Variants in SCAPER observed in about 807,000 individuals in gnomAD.
SCAPER encodes the protein S-phase cyclin A associated protein in the ER.
In SCAPER, 98 loss-of-function variants were observed where a neutral mutation model predicts 182.2. That is an observed-to-expected ratio of 0.54 (90% CI 0.46 to 0.64). The LOEUF (loss-of-function observed/expected upper bound fraction) is 0.64, where lower values mean the gene tolerates loss of function less well. Ranked by LOEUF, SCAPER falls within the 30% of genes least tolerant of loss-of-function variation. The pLI is 0.00. For synonymous variants in SCAPER, 605 were observed against 564.6 expected, an observed-to-expected ratio of 1.07 and a Z score of -1.01; for missense variants, 1,432 against 1,690.0, an observed-to-expected ratio of 0.85 and a Z score of 2.68.
intron 27 of SCAPER, among the ~76,000 whole-genome samples, chr15:76,401,321 C>G (rs926681845): frequency 3.3e-5 from 5 of 152,098 alleles, no homozygotes; most frequent in Non-Finnish European, 4.4e-5. Flanking sequence ...CCTTTCACCC[C>G]CCACATCATG....
chr15:76,576,463 T>C (rs554591000), intron 22 of SCAPER, among the ~76,000 whole-genome samples: 1 of 152,164 alleles, frequency 6.6e-6, no homozygotes, highest in African/African-American at 2.4e-5. Flanking sequence ...TTATCCCTAT[T>C]TGAAAAACGC....
At chr15:76,616,770 GA>G (rs1490773024) in intron 22 of SCAPER, among the ~76,000 whole-genome samples, 1 of 152,030 alleles carries the variant, frequency 6.6e-6, no homozygotes, top group African/African-American at 2.4e-5. Context: ...GATGTATATG[GA>G]AATTTGAATT....
chr15:76,677,466 T>C (rs2057432939), intron 20 of SCAPER, among the ~76,000 whole-genome samples: 2 of 151,894 alleles, frequency 1.3e-5, no homozygotes, highest in African/African-American at 4.8e-5. Flanking sequence ...TTAGTAAAAT[T>C]AAGGGATTAG....
chr15:76,839,008 G>C (rs976875270), intron 5 of SCAPER, among the ~76,000 whole-genome samples: 1 of 152,172 alleles, frequency 6.6e-6, no homozygotes, highest in African/African-American at 2.4e-5. Flanking sequence ...GGAAATGTAG[G>C]GGTGATGCTT....
Position 76,428,893 on chromosome 15 carries a change from T to TATATATATATATATATATATATAA in SCAPER, c.3311+5184_3311+5185insTTATATATATATATATATATATAT, listed in dbSNP as rs561331843. 1.6e-4 allele frequency among the ~76,000 whole-genome samples: 23 copies of TATATATATATATATATATATATAA among 139,562 alleles called. 1 individual carries two copies. Among genetic ancestry groups the TATATATATATATATATATATATAA allele is most frequent in the African/African-American group, 3.2e-4 (12 of 37,306 alleles). The allele number at this position is 139,562 out of a possible 152,430, so 91.6% of individuals were successfully genotyped here. ...ATATATATATATATATATATATATA[T>TATATATATATATATATATATATAA]AAACATCAAAATGTACTCAGTAAGT... On this transcript the variant is annotated intron_variant, in intron 26 of 31. Transcript: ENST00000563290.
chr15:76,857,305 T>C (rs1312694843), intron 4 of SCAPER, among the ~76,000 whole-genome samples: 3 of 151,888 alleles, frequency 2.0e-5, no homozygotes, highest in Admixed American at 1.3e-4. Context: ...TGGTGACACA[T>C]GACTGTAGTT....
At chr15:76,857,385 A>T (rs2071482844) in intron 4 of SCAPER, among the ~76,000 whole-genome samples, 1 of 151,514 alleles carries the variant, frequency 6.6e-6, no homozygotes, top group Non-Finnish European at 1.5e-5. Context: ...GTGAGCCAAG[A>T]TCACACCACT....
In SCAPER at chr15:76,767,088, A is replaced by G; in HGVS notation, c.1249T>C (p.Ser417Pro). Reference sequence around the variant, plus strand: ...TTTTTAGCAAGGACTTCTGCCATGGACTATAAAGTTAAAAACACATAAACA... The same window carrying G: ...TTTTTAGCAAGGACTTCTGCCATGGGCTATAAAGTTAAAAACACATAAACA... The part of the protein sequence containing the change: ...NEMDPSDISN[S>P]MAEVLAKKEE... The change falls in exon 11 of 32, where the codon TCC (serine) becomes CCC (proline). Residue 417 changes from serine (S) to proline (P), a missense_variant and splice_region_variant. By Grantham distance (74) the Ser-to-Pro change is moderately conservative. Coordinates refer to ENST00000563290, the MANE Select transcript of SCAPER (RefSeq NM_020843.4). 1 of 1,569,728 alleles carries G rather than the reference A, an allele frequency of 6.4e-7. No individual in the cohort carries two copies. Among genetic ancestry groups the G allele is most frequent in the Non-Finnish European group, 8.6e-7 (1 of 1,159,760 alleles).
intron 23 of SCAPER, among the ~76,000 whole-genome samples, chr15:76,564,955 C>T (rs2145208125): frequency 6.6e-6 from 1 of 152,220 alleles, no homozygotes; most frequent in East Asian, 1.9e-4. Flanking sequence ...GATGCAATAC[C>T]TGGCTAGCCA....
At chr15:76,720,102 C>T (rs1208716110) in intron 17 of SCAPER, among the ~76,000 whole-genome samples, 2 of 144,534 alleles carry the variant, frequency 1.4e-5, no homozygotes, top group Non-Finnish European at 3.0e-5. Context: ...ACAACAGTCC[C>T]CAGTGTGTGA....
chr15:76,652,337 CAT>C (rs1376905603), intron 21 of SCAPER, among the ~76,000 whole-genome samples: 44 of 13,782 alleles, frequency 3.2e-3, no homozygotes, highest in African/African-American at 0.011. Context: ...CACACATACA[CAT>C]ATATACACAC....
chr15:76,670,841 C>A (rs1049071551), intron 20 of SCAPER, among the ~76,000 whole-genome samples: 1 of 152,086 alleles, frequency 6.6e-6, no homozygotes, highest in South Asian at 2.1e-4. Context: ...TATGCTTTTG[C>A]TTCTTCTAAG....
intron 10 of SCAPER, 56 bp downstream of exon 10, chr15:76,771,686 T>C: frequency 7.5e-7 from 1 of 1,339,500 alleles, no homozygotes; most frequent in Non-Finnish European, 1.1e-6. Context: ...GGTTTATGCT[T>C]CTTAAATATA....
At chr15:76,609,620 C>T (rs187832577) in intron 22 of SCAPER, among the ~76,000 whole-genome samples, 42 of 152,336 alleles carry the variant, frequency 2.8e-4, no homozygotes, top group Admixed American at 2.7e-3. Flanking sequence ...GTAATTCCAA[C>T]ATTTCTGCTG....
chr15:76,629,626 G>C (rs1230751860), intron 21 of SCAPER, among the ~76,000 whole-genome samples: 1 of 152,180 alleles, frequency 6.6e-6, no homozygotes, highest in East Asian at 1.9e-4. Flanking sequence ...GATTGTGGTG[G>C]ATAAGCTTTT....
chr15:76,481,365 A>G (rs2051125554), intron 24 of SCAPER, among the ~76,000 whole-genome samples: 1 of 152,238 alleles, frequency 6.6e-6, no homozygotes, highest in African/African-American at 2.4e-5. Context: ...AAGCTGAATT[A>G]TGATGGGATT....
intron 5 of SCAPER, among the ~76,000 whole-genome samples, chr15:76,816,962 T>G (rs1466062283): frequency 6.6e-6 from 1 of 152,226 alleles, no homozygotes; most frequent in East Asian, 1.9e-4. Context: ...GCCAGTAACA[T>G]AATTTATTAT....
At chr15:76,447,262 A>G (rs1022532081) in intron 25 of SCAPER, among the ~76,000 whole-genome samples, 1 of 152,170 alleles carries the variant, frequency 6.6e-6, no homozygotes, top group African/African-American at 2.4e-5. Flanking sequence ...TCATCCTATA[A>G]ATCTCTTCAT....
At chr15:76,892,171 AT>A (rs1400220576) in intron 1 of SCAPER, among the ~76,000 whole-genome samples, 1 of 152,228 alleles carries the variant, frequency 6.6e-6, no homozygotes, top group Admixed American at 6.5e-5. Context: ...ACAAAAATTA[AT>A]TCAAGATGGA....
Sources: allele counts gnomAD v4.1 joint callset (sites outside exome capture counted in the v4.1 genomes callset), GRCh38; gene constraint gnomAD v4.1.1; transcripts MANE v1.5; gene names NCBI Gene and HGNC (gene_info 2026-07-23, HGNC 2026-07-21).